KANK1: variants seen among roughly 807,000 people sequenced by gnomAD.
The protein encoded by KANK1 is KN motif and ankyrin repeat domains 1.
In KANK1, 109 loss-of-function variants were observed where a neutral mutation model predicts 106.2. The observed-to-expected ratio is 1.03, with a 90% CI of 0.88 to 1.20. The LOEUF (loss-of-function observed/expected upper bound fraction) is 1.20. Among genes scored for constraint, KANK1 ranks in the 50% most tolerant of loss-of-function variants. The pLI is 0.00. For missense variants in KANK1, 2,399 were observed against 1,710.7 expected (o/e 1.40, Z -7.10); for synonymous variants, 873 against 652.2 (o/e 1.34, Z -5.16).
intron 2 of KANK1, among the ~76,000 whole-genome samples, chr9:689,270 G>A (rs554047773): frequency 1.3e-5 from 2 of 152,200 alleles, no homozygotes; most frequent in Non-Finnish European, 2.9e-5. Context: ...TGTGTTTGGG[G>A]AAATGCGTTT....
intron 1 of KANK1, among the ~76,000 whole-genome samples, chr9:509,508 A>G (rs187088796): frequency 1.5e-3 from 221 of 152,218 alleles, no homozygotes; most frequent in African/African-American, 5.1e-3. Flanking sequence ...TCAATTTTGT[A>G]TTTTGTTTCT....
chr9:699,039 G>T (rs904282397), intron 2 of KANK1, among the ~76,000 whole-genome samples: 1 of 152,112 alleles, frequency 6.6e-6, no homozygotes, highest in Non-Finnish European at 1.5e-5. Flanking sequence ...TCTTAAAAGT[G>T]GCAGGTTTTG....
At chr9:499,490 C>T (rs920247040) in intron 3 of KANK1, among the ~76,000 whole-genome samples, 1 of 152,180 alleles carries the variant, frequency 6.6e-6, no homozygotes, top group African/African-American at 2.4e-5. Flanking sequence ...TGCCACAGTT[C>T]CACTATTGCC....
intron 1 of KANK1, among the ~76,000 whole-genome samples, chr9:561,428 A>G (rs766897442): frequency 2.0e-5 from 3 of 152,174 alleles, no homozygotes; most frequent in Non-Finnish European, 2.9e-5. Flanking sequence ...ACCATCCCTG[A>G]CAGTTACTTT....
At chr9:543,616 G>A (rs887928301) in intron 1 of KANK1, among the ~76,000 whole-genome samples, 4 of 151,272 alleles carry the variant, frequency 2.6e-5, no homozygotes, top group East Asian at 1.9e-4. Flanking sequence ...ACACTACTGC[G>A]TGTTTGTCCT....
chr9:703,832 C>G (rs957138244), intron 2 of KANK1, among the ~76,000 whole-genome samples: 6 of 152,024 alleles, frequency 3.9e-5, no homozygotes, highest in African/African-American at 1.5e-4. Context: ...CTGCCTCAGC[C>G]TCCTGAATAG....
chr9:712,075 G>A lies in KANK1; in HGVS notation c.1309G>A (p.Gly437Arg), dbSNP rs775891249. Residue 437 changes from glycine (G) to arginine (R), a missense_variant, in exon 3 of 12, where the codon GGG becomes AGG. Gly to Arg is a moderately radical substitution (Grantham distance 125, BLOSUM62 -2). Transcript: ENST00000382297. ...VGTLVEMRNC[G>R]VSVTEAMLGV... ...GACACTTGTTGAGATGAGAAATTGT[G>A]GGGTCAGCGTGACAGAGGCCATGCT... 1 of 1,614,104 alleles carries A rather than the reference G, an allele frequency of 6.2e-7. No homozygotes were observed. The highest frequency in any genetic ancestry group is 1.1e-5 in the South Asian group (1 of 91,070).
At chr9:485,176 G>T (rs188838459) in intron 3 of KANK1, among the ~76,000 whole-genome samples, 1 of 152,296 alleles carries the variant, frequency 6.6e-6, no homozygotes, top group Non-Finnish European at 1.5e-5. Flanking sequence ...CAGGGAGTGG[G>T]TGTGGTATTC....
rs529803219 is a variant in KANK1 at position 523,377 on chromosome 9, C to G, written c.-84+18623C>G. Among the ~76,000 whole-genome samples the G allele has an allele frequency of 2.6e-5, 4 of 151,878 alleles. No homozygotes were observed. In the East Asian group the frequency reaches 7.7e-4, roughly 29 times the overall value. On this transcript the variant is annotated intron_variant, in intron 1 of 11. Coordinates refer to ENST00000382297, the MANE Select transcript of KANK1 (RefSeq NM_015158.5). The stretch of plus-strand genomic sequence containing the variant: ...ATATATGTAGAATCTGCATCGTCCT[C>G]CCTCTTTCCACTGCCACCATCCTCT...
intron 1 of KANK1, chr9:548,995 CTA>C (rs2061104928): frequency 6.6e-6 from 1 of 151,928 alleles, no homozygotes; most frequent in Admixed American, 6.6e-5. Flanking sequence ...GGTCAAAGAA[CTA>C]TCATTGCATG....
At chr9:696,994 T>A (rs1305832388) in intron 2 of KANK1, among the ~76,000 whole-genome samples, 5 of 152,138 alleles carry the variant, frequency 3.3e-5, no homozygotes, top group African/African-American at 1.2e-4. Context: ...ATAATTTTAA[T>A]CGTACATAAA....
intron 1 of KANK1, among the ~76,000 whole-genome samples, chr9:646,323 C>T (rs913270924): frequency 1.3e-5 from 2 of 150,198 alleles, no homozygotes; most frequent in African/African-American, 2.5e-5. Flanking sequence ...ATAGCAAGAC[C>T]TATATCTACC....
intron 1 of KANK1, among the ~76,000 whole-genome samples, chr9:561,132 TAGTTG>T (rs1267082449): frequency 6.6e-6 from 1 of 152,138 alleles, no homozygotes; most frequent in African/African-American, 2.4e-5. Context: ...CTACCAGGAA[TAGTTG>T]AAAGGCTATC....
At chr9:519,546 T>C (rs1177074643) in intron 1 of KANK1, among the ~76,000 whole-genome samples, 1 of 151,764 alleles carries the variant, frequency 6.6e-6, no homozygotes, top group Non-Finnish European at 1.5e-5. Context: ...CCTCAGATCT[T>C]GGTAAGATTT....
intron 1 of KANK1, among the ~76,000 whole-genome samples, chr9:520,208 C>T (rs1320818917): frequency 2.0e-5 from 3 of 151,616 alleles, no homozygotes; most frequent in Non-Finnish European, 2.9e-5. Flanking sequence ...TGTGGTAGCA[C>T]GCCCCTGTAG....
chr9:538,160 C>T (rs1228858554), intron 1 of KANK1, among the ~76,000 whole-genome samples: 1 of 148,492 alleles, frequency 6.7e-6, no homozygotes, highest in Non-Finnish European at 1.5e-5. Flanking sequence ...CTTCTCTCAG[C>T]CCCTTCTTTC....
At chr9:573,942 T>G (rs147269706) in intron 1 of KANK1, among the ~76,000 whole-genome samples, 2 of 152,348 alleles carry the variant, frequency 1.3e-5, no homozygotes, top group African/African-American at 4.8e-5. Context: ...ATTAGAGGTT[T>G]AGAGTAGAAA....
chr9:728,447 C>G (rs1053763188), intron 3 of KANK1, among the ~76,000 whole-genome samples: 2 of 150,714 alleles, frequency 1.3e-5, no homozygotes, highest in Admixed American at 6.6e-5. Flanking sequence ...ATCCACCTGC[C>G]TTGGCCTCCC....
upstream of KANK1, among the ~76,000 whole-genome samples, chr9:500,986 C>A (rs2058541442): frequency 1.3e-5 from 2 of 152,138 alleles, no homozygotes; most frequent in African/African-American, 4.8e-5. Context: ...GAATGACTTT[C>A]TTCCTCCAAA....
Sources: gnomAD v4.1 joint callset for allele counts (sites outside exome capture counted in the v4.1 genomes callset) on GRCh38, gnomAD v4.1.1 for gene constraint, MANE v1.5 for transcripts, NCBI Gene and HGNC (gene_info 2026-07-23, HGNC 2026-07-21) for gene names.